Variants in NRCAM observed in about 807,000 individuals in gnomAD.
The protein encoded by NRCAM is neuronal cell adhesion molecule.
Under a neutral mutation model 156.5 loss-of-function variants are expected in NRCAM, and 83 were observed. The observed-to-expected ratio is 0.53, with a 90% confidence interval of 0.44 to 0.64. NRCAM has a LOEUF of 0.64. Among genes scored for constraint, NRCAM ranks in the 30% least tolerant of loss-of-function variants. The pLI is 0.00. For synonymous variants in NRCAM, 538 were observed against 563.9 expected, an observed-to-expected ratio of 0.95 and a Z score of 0.65; for missense variants, 1,417 against 1,597.3, an observed-to-expected ratio of 0.89 and a Z score of 1.92.
At chr7:108,158,158 T>C (rs1198402309) in intron 32 of NRCAM, among the ~76,000 whole-genome samples, 1 of 152,128 alleles carries the variant, frequency 6.6e-6, no homozygotes, top group East Asian at 1.9e-4. Context: ...GAACTGGGTG[T>C]GGACGCTGCA....
At chr7:108,196,183 C>T (rs761514510) in intron 14 of NRCAM, among the ~76,000 whole-genome samples, 11 of 152,164 alleles carry the variant, frequency 7.2e-5, no homozygotes, top group Non-Finnish European at 1.0e-4. Flanking sequence ...ACAAAAATAA[C>T]AGCCAAGTAT....
At chr7:108,409,258 G>T (rs961584916) in intron 1 of NRCAM, among the ~76,000 whole-genome samples, 2 of 152,172 alleles carry the variant, frequency 1.3e-5, no homozygotes, top group African/African-American at 4.8e-5. Context: ...AAACAACATT[G>T]AATGTTTTTT....
chr7:108,151,818 T>G (rs1169958290), intron 32 of NRCAM, among the ~76,000 whole-genome samples: 1 of 152,198 alleles, frequency 6.6e-6, no homozygotes, highest in Non-Finnish European at 1.5e-5. Flanking sequence ...TGACAGTTAA[T>G]TCAGCTGAAG....
At chr7:108,456,147 G>T (rs1431911643) in intron 1 of NRCAM, 96 bp downstream of exon 1, 1 of 152,664 alleles carries the variant, frequency 6.6e-6, no homozygotes, top group Non-Finnish European at 1.5e-5. Flanking sequence ...CGGTGTCCAA[G>T]TGACAACGCA....
intron 2 of NRCAM, among the ~76,000 whole-genome samples, chr7:108,315,650 C>A (rs1242371368): frequency 6.6e-6 from 1 of 152,190 alleles, no homozygotes; most frequent in African/African-American, 2.4e-5. Context: ...AAGTTTAGCA[C>A]CAAGTTCAGC....
chr7:108,448,728 T>C (rs1847170697), intron 1 of NRCAM, among the ~76,000 whole-genome samples: 1 of 152,148 alleles, frequency 6.6e-6, no homozygotes, highest in Non-Finnish European at 1.5e-5. Context: ...TGGAAAACCA[T>C]GTGCCATATG....
At chr7:108,266,239 C>G (rs1435710723) in intron 3 of NRCAM, among the ~76,000 whole-genome samples, 1 of 152,204 alleles carries the variant, frequency 6.6e-6, no homozygotes, top group East Asian at 1.9e-4. Flanking sequence ...CACTTCTATT[C>G]AGGTTGGCAT....
rs1317467611 is a variant in NRCAM, at chr7:108,334,562, C to G, written c.-173-21831G>C. Among the ~76,000 whole-genome samples the G allele has an allele frequency of 2.6e-5, 4 of 152,314 alleles. No homozygotes were observed. The East Asian group carries it at 7.7e-4, about 29-fold the overall frequency. On this transcript the variant is annotated intron_variant, in intron 2 of 32. Coordinates refer to ENST00000379028, the MANE Select transcript of NRCAM (RefSeq NM_001037132.4). The stretch of plus-strand genomic sequence containing the variant: ...CTGTTCTTTGAATGTGTTCCTCACT[C>G]CTCTCCCTCTGTTCAAATCCCTCTC...
Position 108,271,192 on chromosome 7 carries a change from G to A in NRCAM, c.-106-31022C>T, listed in dbSNP as rs538718334. Among the ~76,000 whole-genome samples, 30 of 152,228 alleles carry A rather than the reference G, an allele frequency of 2.0e-4. 1 individual carries two copies. The South Asian group carries it at 5.8e-3, about 29-fold the overall frequency. Reference sequence around the variant, plus strand: ...ATCAAACAGCTACCAGCAAGAAGTGGACTTTTAAAAATTACGGTTTCCAAA... The same window carrying A: ...ATCAAACAGCTACCAGCAAGAAGTGAACTTTTAAAAATTACGGTTTCCAAA... On this transcript the variant is annotated intron_variant, in intron 3 of 32. Coordinates refer to ENST00000379028, the MANE Select transcript of NRCAM (RefSeq NM_001037132.4).
At chr7:108,285,221 GAAC>G (rs111912079) in intron 3 of NRCAM, among the ~76,000 whole-genome samples, 5,756 of 152,174 alleles carry the variant, frequency 0.038, 162 homozygotes, top group South Asian at 0.11. Flanking sequence ...ATGCCTGCAA[GAAC>G]AACAACAAAA....
At chr7:108,311,399 AG>A (rs757896684) in intron 3 of NRCAM, among the ~76,000 whole-genome samples, 114 of 151,942 alleles carry the variant, frequency 7.5e-4, no homozygotes, top group Non-Finnish European at 1.2e-3. Flanking sequence ...TGTAGAGGAG[AG>A]GGGTACATAA....
chr7:108,169,229 T>C (rs115559624), intron 28 of NRCAM, among the ~76,000 whole-genome samples: 198 of 152,346 alleles, frequency 1.3e-3, no homozygotes, highest in African/African-American at 4.6e-3. Flanking sequence ...TGCTTGCTAC[T>C]GGGTAAAGAC....
At chr7:108,276,642 G>A (rs1290795936) in intron 3 of NRCAM, among the ~76,000 whole-genome samples, 2 of 151,928 alleles carry the variant, frequency 1.3e-5, no homozygotes, top group African/African-American at 2.4e-5. Flanking sequence ...TGCACATGAG[G>A]TGGGTCTCCT....
intron 1 of NRCAM, among the ~76,000 whole-genome samples, chr7:108,450,013 C>T (rs993137114): frequency 4.0e-5 from 6 of 151,852 alleles, no homozygotes; most frequent in Admixed American, 1.3e-4. Flanking sequence ...ATATAGTTTC[C>T]AGCCCTTCCT....
chr7:108,189,465 T>G (rs2069647098), intron 20 of NRCAM, among the ~76,000 whole-genome samples, 180 bp downstream of exon 20: 1 of 152,208 alleles, frequency 6.6e-6, no homozygotes, highest in Non-Finnish European at 1.5e-5. Flanking sequence ...CTAGAAGGTG[T>G]AACCAGGAAT....
chr7:108,155,607 CT>C (rs1345603287), intron 32 of NRCAM, among the ~76,000 whole-genome samples: 1 of 152,018 alleles, frequency 6.6e-6, no homozygotes, highest in East Asian at 1.9e-4. Context: ...TTTCATAGCA[CT>C]TTTCACACTC....
intron 3 of NRCAM, among the ~76,000 whole-genome samples, chr7:108,254,001 T>C (rs1370585286): frequency 2.6e-5 from 4 of 152,236 alleles, no homozygotes; most frequent in Admixed American, 6.5e-5. Flanking sequence ...GTCCAGGCGA[T>C]TGTTAATTAT....
chr7:108,184,800 CATG>C (rs895897401), intron 20 of NRCAM, among the ~76,000 whole-genome samples, 186 bp from the exon 21 acceptor site: 1 of 152,112 alleles, frequency 6.6e-6, no homozygotes, highest in Non-Finnish European at 1.5e-5. Context: ...TATAAACACA[CATG>C]ATAACATTTT....
chr7:108,353,937 CAT>C (rs1027759678), intron 2 of NRCAM, among the ~76,000 whole-genome samples: 6 of 152,240 alleles, frequency 3.9e-5, no homozygotes, highest in African/African-American at 7.2e-5. Context: ...AACCACTCCA[CAT>C]GAGTCCAAGT....
Sources: allele counts gnomAD v4.1 joint callset (sites outside exome capture counted in the v4.1 genomes callset), GRCh38; gene constraint gnomAD v4.1.1; transcripts MANE v1.5; gene names NCBI Gene and HGNC (gene_info 2026-07-23, HGNC 2026-07-21).